DNAJC9: variants seen among roughly 807,000 people sequenced by gnomAD.
DNAJC9 encodes the protein DnaJ heat shock protein family (Hsp40) member C9, also known as dnaJ homolog subfamily C member 9.
In DNAJC9, 18 loss-of-function variants were observed where a neutral mutation model predicts 32.4. That is an observed-to-expected ratio of 0.56 (90% CI 0.38 to 0.82). The LOEUF is 0.82. Among genes scored for constraint, DNAJC9 ranks in the 40% least tolerant of loss-of-function variants. The pLI, the probability that DNAJC9 is intolerant of heterozygous loss-of-function variation, is 0.00. For synonymous variants in DNAJC9, 113 were observed against 122.1 expected (o/e 0.93, Z 0.49); for missense variants, 310 against 321.8 (o/e 0.96, Z 0.28).
Position 73,243,147 on chromosome 10 carries a change from A to G in DNAJC9, c.*253T>C. 2.3e-6 allele frequency: 1 copy of G among 439,622 alleles called. No homozygotes were observed. Among genetic ancestry groups the G allele is most frequent in the African/African-American group, 2.0e-5 (1 of 49,688 alleles). The allele number at this position is 439,622 out of a possible 1,614,324, so 27.2% of individuals were successfully genotyped here. A position where few individuals can be genotyped will look rare whatever the true frequency, so the allele number is the denominator to read the frequency against. Reference sequence around the variant, plus strand: ...GGAGGCAAGTGCTGTCAGGAAGGACACTGCCTCCCTCCACCCTCCCAAATG... The same window carrying G: ...GGAGGCAAGTGCTGTCAGGAAGGACGCTGCCTCCCTCCACCCTCCCAAATG... On this transcript the variant is annotated 3_prime_UTR_variant, in exon 5 of 5. Transcript: ENST00000372950.
downstream of DNAJC9, among the ~76,000 whole-genome samples, chr10:73,235,682 A>G (rs2043804789): frequency 6.6e-6 from 1 of 152,132 alleles, no homozygotes; most frequent in Admixed American, 6.5e-5. Flanking sequence ...GTCCTGGTGG[A>G]TGAGTGAGTT....
At chr10:73,234,992 G>T, downstream of DNAJC9, 1 of 1,537,610 alleles carries the variant, frequency 6.5e-7, no homozygotes. Flanking sequence ...AACCTAATGG[G>T]CAGTAATTCT....
At position 73,247,054 on chromosome 10, in the gene DNAJC9, G is replaced by T. The variant is rs773946089; in HGVS notation, c.136C>A (p.Arg46=). 18 of 1,573,078 alleles carry T rather than the reference G, an allele frequency of 1.1e-5. No individual in the cohort carries two copies. The highest frequency in any genetic ancestry group is 4.1e-5 in the African/African-American group (3 of 73,966). ...HKVSLQVHPD[R]VGEGDKEDAT... ...TCCTCCTTGTCGCCCTCACCCACCC[G>T]GTCCGGGTGTACCTGCAGGGACACC... Residue 46 remains arginine (R), a synonymous_variant, in exon 1 of 5, where the codon CGG becomes AGG. Coordinates refer to ENST00000372950, the MANE Select transcript of DNAJC9 (RefSeq NM_015190.5).
rs1302741504 is a variant in DNAJC9, at chr10:73,242,408, AAAGTT to A, written c.*987_*991del. Reference sequence around the variant, plus strand: ...ACTGGATCAATATGGCTTGCCTTTCAAAGTTAAAGAATCAGAAAGGGGCCTGTAAG... The same window carrying A: ...ACTGGATCAATATGGCTTGCCTTTCAAAAGAATCAGAAAGGGGCCTGTAAG... On this transcript the variant is annotated 3_prime_UTR_variant, in exon 5 of 5. Coordinates refer to ENST00000372950, the MANE Select transcript of DNAJC9 (RefSeq NM_015190.5). 1 of 148,974 alleles carries A rather than the reference AAAGTT, an allele frequency of 6.7e-6. No homozygotes were observed. Among genetic ancestry groups the A allele is most frequent in the Admixed American group, 6.6e-5 (1 of 15,060 alleles). 9.2% of individuals were successfully genotyped at this position (148,974 alleles called of 1,614,324 possible). A position where few individuals can be genotyped will look rare whatever the true frequency, so the allele number is the denominator to read the frequency against.
Position 73,247,123 on chromosome 10 carries a change from G to A in DNAJC9, c.67C>T (p.Arg23Ter), listed in dbSNP as rs778296950. ...TADLYRVLGV[R>*]REASDGEVRR... is the part of the protein sequence containing the mutation. ...ACCTCGCCGTCGGAGGCCTCGCGTC[G>A]CACGCCCAGCACCCGGTAAAGGTCG... Residue 23 changes from arginine (R) to a stop codon, truncating the protein, a stop_gained, in exon 1 of 5, where the codon CGA (arginine) becomes TGA (stop). Coordinates refer to ENST00000372950, the MANE Select transcript of DNAJC9 (RefSeq NM_015190.5). LOFTEE classifies it high-confidence loss of function. 5 of 1,595,210 alleles carry A rather than the reference G, an allele frequency of 3.1e-6. No individual in the cohort carries two copies. The highest frequency in any genetic ancestry group is 2.3e-5 in the East Asian group (1 of 43,440).
downstream of DNAJC9, chr10:73,234,986 T>A (rs191041721): frequency 2.9e-4 from 450 of 1,540,442 alleles, no homozygotes; most frequent in Non-Finnish European, 3.7e-4. Context: ...CCATACAACC[T>A]AATGGGCAGT....
At chr10:73,238,472 T>A (rs1242979437), downstream of DNAJC9, among the ~76,000 whole-genome samples, 2 of 152,264 alleles carry the variant, frequency 1.3e-5, no homozygotes, top group Non-Finnish European at 2.9e-5. Context: ...TCACTTGGCC[T>A]ACCGCCTTGT....
At position 73,246,069 on chromosome 10, in the gene DNAJC9, C is replaced by A. The variant is rs147217564; in HGVS notation, c.429G>T (p.Gln143His). ...AYLDFKGDMD[Q>H]IMESVLCVQY... ...GCACGCAAAGCACAGACTCCATGATCTGATCCATGTCACCCTTGAAGTCCA... is the reference window on the plus strand; with the variant it reads ...GCACGCAAAGCACAGACTCCATGATATGATCCATGTCACCCTTGAAGTCCA... Residue 143 changes from glutamine (Q) to histidine (H), a missense_variant, in exon 3 of 5, where the codon CAG (glutamine) becomes CAT (histidine). Physicochemically the swap from Gln to His is conservative, Grantham distance 24. Coordinates refer to ENST00000372950, the MANE Select transcript of DNAJC9 (RefSeq NM_015190.5). 1 of 1,613,810 alleles carries A rather than the reference C, an allele frequency of 6.2e-7. No homozygotes were observed. The highest frequency in any genetic ancestry group is 1.3e-5 in the African/African-American group (1 of 74,928).
chr10:73,240,584 T>C (rs542060111), downstream of DNAJC9, among the ~76,000 whole-genome samples: 32 of 151,992 alleles, frequency 2.1e-4, no homozygotes, highest in Non-Finnish European at 3.4e-4. Flanking sequence ...TGGTGGCAGA[T>C]GCCTGTAGTC....
chr10:73,235,234 G>A (rs1364812031), downstream of DNAJC9: 6 of 1,551,776 alleles, frequency 3.9e-6, no homozygotes, highest in African/African-American at 1.4e-5. Context: ...GTGCGGTGGT[G>A]GATGAACCTA....
At chr10:73,235,154 T>G, downstream of DNAJC9, 3 of 1,547,464 alleles carry the variant, frequency 1.9e-6, no homozygotes, top group African/African-American at 1.4e-5. Flanking sequence ...ACATTACAGA[T>G]AGTTTTCACT....
downstream of DNAJC9, among the ~76,000 whole-genome samples, chr10:73,235,867 T>C (rs1482552917): frequency 6.6e-6 from 1 of 152,188 alleles, no homozygotes; most frequent in African/African-American, 2.4e-5. Context: ...TTTTAAATGC[T>C]GACACTGCCT....
downstream of DNAJC9, chr10:73,241,170 C>T: frequency 1.6e-6 from 1 of 622,212 alleles, no homozygotes; most frequent in Non-Finnish European, 2.9e-6. Context: ...AAGAACAAAA[C>T]ACCATAGCAG....
Position 73,243,376 on chromosome 10 carries a change from G to A in DNAJC9, c.*24C>T. ...TACGATGGCATCAATTTACACCTAA[G>A]GACCTTTGAAGAGAAAAATTCCATT... On this transcript the variant is annotated 3_prime_UTR_variant, in exon 5 of 5. Transcript: ENST00000372950. The A allele has an allele frequency of 6.2e-7, 1 of 1,611,828 alleles. No homozygotes were observed. Among genetic ancestry groups the A allele is most frequent in the Non-Finnish European group, 8.5e-7 (1 of 1,179,660 alleles).
In DNAJC9 at chr10:73,247,231, G is replaced by A. The variant is rs768627124; in HGVS notation, c.-42C>T. On this transcript the variant is annotated 5_prime_UTR_variant, in exon 1 of 5. Transcript: ENST00000372950. ...ACCCCGGAGGAAGCAGCCGCTCCCA[G>A]CTGCGCCGGGTACAACCCAGGACTG... 1.3e-6 allele frequency: 2 copies of A among 1,561,418 alleles called. No homozygotes were observed. The highest frequency in any genetic ancestry group is 1.9e-5 in the Admixed American group (1 of 52,754).
chr10:73,236,612 C>CAAAA (rs2043828146), downstream of DNAJC9, among the ~76,000 whole-genome samples: 3 of 151,856 alleles, frequency 2.0e-5, no homozygotes, highest in Admixed American at 6.6e-5. Context: ...TGGGGTTTTG[C>CAAAA]CATCTTGGCC....
downstream of DNAJC9, chr10:73,234,795 T>C (rs1377244196): frequency 6.4e-7 from 1 of 1,550,412 alleles, no homozygotes; most frequent in Non-Finnish European, 8.7e-7. Context: ...CATACCTTCG[T>C]GTTTGTTGGT....
At chr10:73,244,255 G>A in intron 3 of DNAJC9, 1 of 241,834 alleles carries the variant, frequency 4.1e-6, no homozygotes, top group African/African-American at 2.3e-5. Flanking sequence ...CCATACCTTG[G>A]GAGGCCAAGG....
At position 73,246,938 on chromosome 10, in the gene DNAJC9, C is replaced by A. The variant is rs143964173; in HGVS notation, c.180+72G>T. 5 of 1,572,442 alleles carry A rather than the reference C, an allele frequency of 3.2e-6. No homozygotes were observed. The African/African-American group carries it at 4.1e-5, about 13-fold the overall frequency. On this transcript the variant is annotated intron_variant, in intron 1 of 4. Coordinates refer to ENST00000372950, the MANE Select transcript of DNAJC9 (RefSeq NM_015190.5). ...CGGAGCTCAGCGCGCTCCCCCGGGG[C>A]GGGGCCCGGTAGCCAAAAGGCTAGG...
Sources: allele counts gnomAD v4.1 joint callset (sites outside exome capture counted in the v4.1 genomes callset), GRCh38; gene constraint gnomAD v4.1.1; transcripts MANE v1.5; gene names NCBI Gene and HGNC (gene_info 2026-07-23, HGNC 2026-07-21).